EXOSC8: variants seen among roughly 807,000 people sequenced by gnomAD.
The protein encoded by EXOSC8 is exosome component 8, also known as exosome complex component RRP43.
Under a neutral mutation model 39.9 loss-of-function variants are expected in EXOSC8, and 37 were observed. The ratio of observed to expected loss-of-function variants is 0.93; its 90% CI spans 0.71 to 1.22. EXOSC8 has a LOEUF of 1.22. Among genes scored for constraint, EXOSC8 ranks in the 50% most tolerant of loss-of-function variants. The pLI is 0.00. For synonymous variants in EXOSC8, 93 were observed against 109.5 expected (o/e 0.85, Z 0.94); for missense variants, 313 against 326.6 (o/e 0.96, Z 0.32).
chr13:37,005,117 GA>G (rs528775661), intron 5 of EXOSC8, among the ~76,000 whole-genome samples: 20 of 148,270 alleles, frequency 1.3e-4, no homozygotes, highest in South Asian at 4.3e-4. Context: ...TGTTTCAAAA[GA>G]AAAAAAAAAT....
At chr13:37,006,442 T>A (rs1044045569) in intron 7 of EXOSC8, among the ~76,000 whole-genome samples, 5 of 152,188 alleles carry the variant, frequency 3.3e-5, no homozygotes, top group African/African-American at 9.7e-5. Context: ...AATCATTTTT[T>A]ATTCCTTATA....
Position 37,008,772 on chromosome 13 carries a change from G to C in EXOSC8, c.652G>C (p.Ala218Pro). Residue 218 changes from alanine (A) to proline (P), a missense_variant, in exon 10 of 11, where the codon GCA becomes CCA. Transcript: ENST00000389704. ...VDPTGEEEHL[A>P]TGTLTIVMDE... Reference sequence around the variant, plus strand: ...CCCTACTGGAGAGGAGGAACATCTGGCAACAGGAACCTTAACAATAGTAAT... The same window carrying C: ...CCCTACTGGAGAGGAGGAACATCTGCCAACAGGAACCTTAACAATAGTAAT... 6.2e-7 allele frequency: 1 copy of C among 1,613,612 alleles called. No homozygotes were observed. The highest frequency in any genetic ancestry group is 8.5e-7 in the Non-Finnish European group (1 of 1,179,674).
intron 8 of EXOSC8, among the ~76,000 whole-genome samples, chr13:37,007,501 T>A (rs2059150092): frequency 6.6e-6 from 1 of 152,236 alleles, no homozygotes; most frequent in Non-Finnish European, 1.5e-5. Flanking sequence ...GTTACAGATT[T>A]CAATAACTTG....
intron 8 of EXOSC8, among the ~76,000 whole-genome samples, chr13:37,007,434 C>T (rs983845195): frequency 2.6e-5 from 4 of 152,148 alleles, no homozygotes; most frequent in Non-Finnish European, 4.4e-5. Flanking sequence ...GTTGTTTTTA[C>T]TGTGAGGCCA....
intron 3 of EXOSC8, 23 bp downstream of exon 3, chr13:37,002,574 C>A: frequency 6.6e-7 from 1 of 1,504,726 alleles, no homozygotes; most frequent in Non-Finnish European, 9.1e-7. Flanking sequence ...TTTCCACTTT[C>A]AACTGTATGA....
At chr13:37,000,880 TA>T (rs1465339219) in intron 1 of EXOSC8, 58 bp downstream of exon 1, 50 of 1,448,412 alleles carry the variant, frequency 3.5e-5, no homozygotes, top group Non-Finnish European at 4.2e-5. Context: ...CAGCTTCCTT[TA>T]ACTCTTAGCT....
rs146016427 is a variant in EXOSC8 at position 37,006,143 on chromosome 13, T to C, written c.373T>C (p.Cys125Arg). ...NSQIIQKEDL[C>R]ISPGKLVWVL... ...ACAGATAATTCAGAAAGAGGACTTA[T>C]GCATTTCTCCAGGAAAGGTAAGAGG... Residue 125 changes from cysteine (C) to arginine (R), a missense_variant, in exon 7 of 11, where the codon TGC (cysteine) becomes CGC (arginine). Physicochemically the swap from Cys to Arg is radical, Grantham distance 180. Transcript: ENST00000389704. 1.8e-5 allele frequency: 29 copies of C among 1,610,146 alleles called. No homozygotes were observed. The highest frequency in any genetic ancestry group is 5.3e-5 in the African/African-American group (4 of 74,794).
chr13:37,004,501 T>C lies in EXOSC8; in HGVS notation c.193-15T>C, dbSNP rs1425317103. The C allele has an allele frequency of 6.3e-7, 1 of 1,592,120 alleles. No homozygotes were observed. The highest frequency in any genetic ancestry group is 1.7e-5 in the Admixed American group (1 of 58,688). ...GTAGCTTCTTTCAATAGGAAACATTTCTTTGCTACTATAGGAATTTGCAGC... is the reference window on the plus strand; with the variant it reads ...GTAGCTTCTTTCAATAGGAAACATTCCTTTGCTACTATAGGAATTTGCAGC... On this transcript the variant is annotated splice_polypyrimidine_tract_variant and intron_variant, in intron 4 of 10. Coordinates refer to ENST00000389704, the MANE Select transcript of EXOSC8 (RefSeq NM_181503.3).
At position 37,009,549 on chromosome 13, in the gene EXOSC8, T is replaced by A; in HGVS notation, c.*250T>A. ...AAAATGATAAGGTTGTGCTTCTGTA[T>A]AAAGTTTGTACATCTAGCAATGTAA... On this transcript the variant is annotated 3_prime_UTR_variant, in exon 11 of 11. Coordinates refer to ENST00000389704, the MANE Select transcript of EXOSC8 (RefSeq NM_181503.3). The A allele has an allele frequency of 2.5e-6, 3 of 1,181,208 alleles. No homozygotes were observed. Among genetic ancestry groups the A allele is most frequent in the Non-Finnish European group, 3.7e-6 (3 of 801,604 alleles). The allele number at this position is 1,181,208 out of a possible 1,614,324, so 73.2% of individuals were successfully genotyped here.
intron 9 of EXOSC8, 149 bp from the exon 10 acceptor site, chr13:37,008,580 C>T (rs894828707): frequency 5.1e-6 from 3 of 588,596 alleles, no homozygotes; most frequent in Admixed American, 3.1e-5. Context: ...CATGTTGAAA[C>T]CCTGTCTCTA....
Position 37,008,073 on chromosome 13 carries a change from T to TA in EXOSC8, c.505dup (p.Thr169AsnfsTer4). On this transcript the variant is annotated frameshift_variant, in exon 9 of 11. Coordinates refer to ENST00000389704, the MANE Select transcript of EXOSC8 (RefSeq NM_181503.3). LOFTEE classifies it high-confidence loss of function. ...TTTTCTTAGTACAGTTGCCTGAAGTTACTATAAATGAAGAAACTGCTTTAG... is the reference window on the plus strand; with the variant it reads ...TTTTCTTAGTACAGTTGCCTGAAGTTAACTATAAATGAAGAAACTGCTTTAG... The TA allele has an allele frequency of 6.3e-7, 1 of 1,596,144 alleles. No homozygotes were observed. Among genetic ancestry groups the TA allele is most frequent in the Non-Finnish European group, 8.5e-7 (1 of 1,170,048 alleles).
chr13:37,009,128 TTTTTTGAAA>T, intron 10 of EXOSC8, 47 bp from the exon 11 acceptor site: 1 of 1,174,278 alleles, frequency 8.5e-7, no homozygotes, highest in Non-Finnish European at 1.2e-6. Context: ...GACATTAATG[TTTTTTGAAA>T]AGGAATGATA....
intron 8 of EXOSC8, 116 bp from the exon 9 acceptor site, chr13:37,007,940 TA>T: frequency 5.2e-6 from 4 of 768,964 alleles, no homozygotes; most frequent in Non-Finnish European, 8.5e-6. Flanking sequence ...AGGTGCTTTT[TA>T]AAAAGAAATG....
At position 37,002,981 on chromosome 13, in the gene EXOSC8, A is replaced by G. The variant is rs531091502; in HGVS notation, c.166A>G (p.Thr56Ala). ...DGSALVKLGNTTVICGVKAEF... is the reference protein window; with the variant it reads ...DGSALVKLGNATVICGVKAEF... ...TTCTGCTTTAGTGAAGTTGGGAAAT[A>G]CTACAGTAATCTGTGGAGTTAAAGC... Residue 56 changes from threonine (T) to alanine (A), a missense_variant, in exon 4 of 11, where the codon ACT (threonine) becomes GCT (alanine). Coordinates refer to ENST00000389704, the MANE Select transcript of EXOSC8 (RefSeq NM_181503.3). The G allele has an allele frequency of 6.2e-7, 1 of 1,606,890 alleles. No individual in the cohort carries two copies. The highest frequency in any genetic ancestry group is 1.1e-5 in the South Asian group (1 of 90,956).
intron 10 of EXOSC8, 122 bp from the exon 11 acceptor site, chr13:37,009,061 TC>T: frequency 1.4e-6 from 1 of 729,054 alleles, no homozygotes; most frequent in Non-Finnish European, 2.3e-6. Flanking sequence ...AACTTGTAGA[TC>T]TTGAGACTGT....
chr13:37,006,617 A>G (rs753671805), intron 7 of EXOSC8, among the ~76,000 whole-genome samples: 26 of 152,118 alleles, frequency 1.7e-4, no homozygotes, highest in Non-Finnish European at 7.4e-5. Context: ...TAAACATTTC[A>G]TGTATTATGA....
At chr13:37,002,097 A>C (rs1048138328) in intron 1 of EXOSC8, among the ~76,000 whole-genome samples, 176 bp from the exon 2 acceptor site, 2 of 152,208 alleles carry the variant, frequency 1.3e-5, no homozygotes, top group African/African-American at 4.8e-5. Context: ...GGCAGAGTTA[A>C]GGACAGCAAT....
rs2059216847 is a variant in EXOSC8, at chr13:37,009,493, G to A, written c.*194G>A. 5.7e-6 allele frequency: 5 copies of A among 881,684 alleles called. No individual in the cohort carries two copies. The South Asian group carries it at 6.9e-5, about 12-fold the overall frequency. 54.6% of individuals were successfully genotyped at this position (881,684 alleles called of 1,614,324 possible). A position where few individuals can be genotyped will look rare whatever the true frequency, so the allele number is the denominator to read the frequency against. ...CAATGACTTAGGCAAACCAACCCTA[G>A]TTTGTTAAACCATTTCCCTGTTTTT... On this transcript the variant is annotated 3_prime_UTR_variant, in exon 11 of 11. Coordinates refer to ENST00000389704, the MANE Select transcript of EXOSC8 (RefSeq NM_181503.3).
intron 5 of EXOSC8, among the ~76,000 whole-genome samples, chr13:37,005,258 A>T (rs1336447103): frequency 6.6e-6 from 1 of 151,896 alleles, no homozygotes; most frequent in African/African-American, 2.4e-5. Context: ...AGGAACCAAC[A>T]TTTTTTTTAA....
Sources: allele counts gnomAD v4.1 joint callset (sites outside exome capture counted in the v4.1 genomes callset), GRCh38; gene constraint gnomAD v4.1.1; transcripts MANE v1.5; gene names NCBI Gene and HGNC (gene_info 2026-07-23, HGNC 2026-07-21).